Variants in VAV2 observed in about 807,000 individuals in gnomAD.
VAV2 encodes the protein vav guanine nucleotide exchange factor 2.
In VAV2, 67 loss-of-function variants were observed where a neutral mutation model predicts 132.5. The observed-to-expected ratio is 0.51, with a 90% CI of 0.42 to 0.62. The LOEUF (loss-of-function observed/expected upper bound fraction) is 0.62. Among genes scored for constraint, VAV2 ranks in the 20% least tolerant of loss-of-function variants. The pLI is 0.00. For synonymous variants in VAV2, 492 were observed against 443.5 expected (o/e 1.11, Z -1.37); for missense variants, 938 against 1,153.6 (o/e 0.81, Z 2.71).
intron 2 of VAV2, among the ~76,000 whole-genome samples, chr9:133,897,625 C>A (rs148703363): frequency 1.2e-4 from 18 of 152,038 alleles, no homozygotes; most frequent in South Asian, 6.2e-4. Flanking sequence ...CACAGGCCCC[C>A]CTCTGGGTGG....
In VAV2 at chr9:133,849,347, C is replaced by T. The variant is rs116305375; in HGVS notation, c.380+12027G>A. On this transcript the variant is annotated intron_variant, in intron 3 of 29. Transcript: ENST00000371850. Reference sequence around the variant, plus strand: ...ACCAGCTGCGGGCCTCCTCCTGGGCCGGGAGTTCTCGTGGATGCCAGGGCT... The same window carrying T: ...ACCAGCTGCGGGCCTCCTCCTGGGCTGGGAGTTCTCGTGGATGCCAGGGCT... 1.9e-3 allele frequency among the ~76,000 whole-genome samples: 284 copies of T among 152,296 alleles called. 1 individual carries two copies. The highest frequency in any genetic ancestry group is 1.6e-3 in the African/African-American group (66 of 41,560).
chr9:133,847,992 A>G (rs552325766), intron 3 of VAV2, among the ~76,000 whole-genome samples: 19 of 152,210 alleles, frequency 1.2e-4, no homozygotes, highest in Non-Finnish European at 8.8e-5. Flanking sequence ...GATCCAAAAC[A>G]ATGGGCCAGA....
At chr9:133,892,376 T>G (rs1183128287) in intron 2 of VAV2, among the ~76,000 whole-genome samples, 7 of 151,624 alleles carry the variant, frequency 4.6e-5, no homozygotes, top group Non-Finnish European at 7.4e-5. Flanking sequence ...AAGCCTCTGT[T>G]TATTTTGGAA....
At chr9:133,945,704 G>A (rs772838710) in intron 1 of VAV2, among the ~76,000 whole-genome samples, 2 of 152,326 alleles carry the variant, frequency 1.3e-5, no homozygotes, top group South Asian at 4.1e-4. Context: ...TCTCCAGATC[G>A]CCTGGCCCAA....
rs932122354 is a variant in VAV2, at chr9:133,885,027, G to A, written c.322-23595C>T. Among the ~76,000 whole-genome samples, 11 of 152,222 alleles carry A rather than the reference G, an allele frequency of 7.2e-5. No homozygotes were observed. The highest frequency in any genetic ancestry group is 1.4e-4 in the African/African-American group (6 of 41,460). On this transcript the variant is annotated intron_variant, in intron 2 of 29. Coordinates refer to ENST00000371850, the MANE Select transcript of VAV2 (RefSeq NM_001134398.2). The surrounding 1 kb of genome is among the most constrained non-coding windows in gnomAD (Gnocchi z 5.0). ...ATGCCAAAGGCTCCACTTCCAGGCC[G>A]ATGACACCATCTGAGCCAGCCACAG...
intron 1 of VAV2, among the ~76,000 whole-genome samples, chr9:133,939,567 G>T (rs2132137016): frequency 6.6e-6 from 1 of 152,338 alleles, no homozygotes; most frequent in South Asian, 2.1e-4. Flanking sequence ...GGTCAGGGCG[G>T]CAAGGCAGCA....
At chr9:133,911,401 A>G (rs1839880945) in intron 2 of VAV2, among the ~76,000 whole-genome samples, 1 of 152,204 alleles carries the variant, frequency 6.6e-6, no homozygotes, top group South Asian at 2.1e-4. Flanking sequence ...GTTCAACTGC[A>G]TTGAATTTAC....
chr9:133,917,960 A>G (rs1840160393), intron 2 of VAV2, among the ~76,000 whole-genome samples: 1 of 75,692 alleles, frequency 1.3e-5, no homozygotes, highest in African/African-American at 5.3e-5. Context: ...GCCCCGGCCC[A>G]TCGCCACTTC....
At chr9:133,876,340 G>A (rs1298850211) in intron 2 of VAV2, among the ~76,000 whole-genome samples, 4 of 152,254 alleles carry the variant, frequency 2.6e-5, no homozygotes, top group African/African-American at 4.8e-5. Flanking sequence ...ACCACTGACC[G>A]CTGCCAGCAG....
Position 133,834,128 on chromosome 9 carries a change from A to T in VAV2, c.449+144T>A. 7 of 879,520 alleles carry T rather than the reference A, an allele frequency of 8.0e-6. No individual in the cohort carries two copies. Among genetic ancestry groups the T allele is most frequent in the Non-Finnish European group, 1.2e-5 (7 of 569,680 alleles). The allele number at this position is 879,520 out of a possible 1,614,324, so 54.5% of individuals were successfully genotyped here. A position where few individuals can be genotyped will look rare whatever the true frequency, so the allele number is the denominator to read the frequency against. ...ACGGAAGCCCACACCATGACCCATC[A>T]TGAGGAGATGCCCCGGTGGGAAGGG... On this transcript the variant is annotated intron_variant, in intron 4 of 29. Coordinates refer to ENST00000371850, the MANE Select transcript of VAV2 (RefSeq NM_001134398.2). The surrounding 1 kb of genome is among the most constrained non-coding windows in gnomAD (Gnocchi z 5.9).
chr9:133,940,961 G>A (rs149407268), intron 1 of VAV2, among the ~76,000 whole-genome samples: 108 of 151,294 alleles, frequency 7.1e-4, no homozygotes, highest in African/African-American at 2.5e-3. Flanking sequence ...GTTCCAATAT[G>A]GGATCACACA....
rs552034350 is a variant in VAV2, at chr9:133,840,901, C to T, written c.381-6561G>A. Among the ~76,000 whole-genome samples, 2 of 152,266 alleles carry T rather than the reference C, an allele frequency of 1.3e-5. No homozygotes were observed. The highest frequency in any genetic ancestry group is 2.9e-5 in the Non-Finnish European group (2 of 68,024). On this transcript the variant is annotated intron_variant, in intron 3 of 29. Coordinates refer to ENST00000371850, the MANE Select transcript of VAV2 (RefSeq NM_001134398.2). This position sits in a 1 kb window ranked among gnomAD's most constrained non-coding sequence, Gnocchi z 4.5. ...GCCCCACAGTCCAGAGGGAGGGGCACATTGGACGCGCAGGGGTCTCCAAGC... is the reference window on the plus strand; with the variant it reads ...GCCCCACAGTCCAGAGGGAGGGGCATATTGGACGCGCAGGGGTCTCCAAGC...
chr9:133,830,296 G>C (rs1413109963), intron 4 of VAV2, among the ~76,000 whole-genome samples: 6 of 152,140 alleles, frequency 3.9e-5, no homozygotes, highest in Admixed American at 3.3e-4. Flanking sequence ...CCTCACTCCT[G>C]TGCCTGGTGA....
In VAV2 at chr9:133,775,027, C is replaced by T; in HGVS notation, c.2043G>A (p.Gln681=). Residue 681 remains glutamine (Q), a synonymous_variant, in exon 25 of 30, where the codon CAG becomes CAA. Coordinates refer to ENST00000371850, the MANE Select transcript of VAV2 (RefSeq NM_001134398.2). ...GGGACTTGAGCAGGTTGTCCGTCTG[C>T]TGCCTCTCCATGTTACCTGCAAACC... ...YPWFAGNMER[Q]QTDNLLKSHA... 1.9e-6 allele frequency: 3 copies of T among 1,612,104 alleles called. No individual in the cohort carries two copies. Among genetic ancestry groups the T allele is most frequent in the East Asian group, 4.5e-5 (2 of 44,780 alleles).
intron 1 of VAV2, among the ~76,000 whole-genome samples, chr9:133,940,708 T>TGTGTGTGTGTGTGTGTGTGTG (rs59859289): frequency 6.7e-6 from 1 of 149,820 alleles, no homozygotes; most frequent in Non-Finnish European, 1.5e-5. Flanking sequence ...TGTGTGTGTG[T>TGTGTGTGTGTGTGTGTGTGTG]TTCTGAACAC....
chr9:133,778,086 C>T (rs1833878844), intron 22 of VAV2, among the ~76,000 whole-genome samples: 1 of 152,080 alleles, frequency 6.6e-6, no homozygotes. Context: ...TGCCAGCATG[C>T]TCAACGACAT....
In VAV2 at chr9:133,861,397, G is replaced by A. The variant is rs1430907463; in HGVS notation, c.357C>T (p.Ser119=). The A allele has an allele frequency of 6.2e-7, 1 of 1,613,578 alleles. No individual in the cohort carries two copies. The highest frequency in any genetic ancestry group is 8.5e-7 in the Non-Finnish European group (1 of 1,179,820). ...ACCTGATCCCTTTGTTCTGCGCGAT[G>A]CTGTGCAGGGAGAGCCTCGACACCG... ...ISAVSRLSLH[S]IAQNKGIRPF... is the part of the protein sequence containing the mutation. Residue 119 remains serine (S), a synonymous_variant, in exon 3 of 30, where the codon AGC becomes AGT. Coordinates refer to ENST00000371850, the MANE Select transcript of VAV2 (RefSeq NM_001134398.2).
chr9:133,917,670 C>T (rs897389631), intron 2 of VAV2, among the ~76,000 whole-genome samples: 5 of 152,264 alleles, frequency 3.3e-5, no homozygotes, highest in African/African-American at 9.6e-5. Flanking sequence ...CCTTTATTGA[C>T]GGGGAAACCA....
At chr9:133,973,714 C>T (rs550777706) in intron 1 of VAV2, among the ~76,000 whole-genome samples, 27 of 152,334 alleles carry the variant, frequency 1.8e-4, no homozygotes, top group African/African-American at 5.0e-4. Flanking sequence ...GTGACGCCCT[C>T]GCCCTTTGTC....
Sources: allele counts gnomAD v4.1 joint callset (sites outside exome capture counted in the v4.1 genomes callset), GRCh38; gene constraint gnomAD v4.1.1; non-coding constraint Gnocchi (gnomAD v3.1); transcripts MANE v1.5; gene names NCBI Gene and HGNC (gene_info 2026-07-23, HGNC 2026-07-21).